Variants in MPPED1 observed in about 807,000 individuals in gnomAD.
The protein encoded by MPPED1 is metallophosphoesterase domain-containing protein 1.
A neutral mutation model predicts 36.2 loss-of-function variants in MPPED1; 16 were observed. The observed-to-expected ratio is 0.44, with a 90% CI of 0.30 to 0.67. The LOEUF (loss-of-function observed/expected upper bound fraction) is 0.67, where lower values mean the gene tolerates loss of function less well. Among genes scored for constraint, MPPED1 ranks in the 30% least tolerant of loss-of-function variants. The pLI, the probability that MPPED1 is intolerant of heterozygous loss-of-function variation, is 0.10. For synonymous variants in MPPED1, 199 were observed against 191.3 expected (o/e 1.04, Z -0.33); for missense variants, 307 against 453.4 (o/e 0.68, Z 2.93).
chr22:43,489,984 A>T (rs2146903222), intron 4 of MPPED1, among the ~76,000 whole-genome samples: 1 of 152,314 alleles, frequency 6.6e-6, no homozygotes, highest in South Asian at 2.1e-4. Flanking sequence ...GACACAGAGG[A>T]GAGCAAGAGG....
chr22:43,451,852 C>T (rs1431053937), intron 3 of MPPED1, among the ~76,000 whole-genome samples: 1 of 152,134 alleles, frequency 6.6e-6, no homozygotes, highest in Non-Finnish European at 1.5e-5. Flanking sequence ...CTGTCCGAGG[C>T]TTCGGGGCAG....
At chr22:43,432,421 AGAGAGAAAGGGAG>A (rs1401936777) in intron 2 of MPPED1, among the ~76,000 whole-genome samples, 12 of 127,864 alleles carry the variant, frequency 9.4e-5, no homozygotes, top group East Asian at 2.4e-4. Flanking sequence ...TAAAGGGAGG[AGAGAGAAAGGGAG>A]GAGAGAAAGG....
intron 3 of MPPED1, among the ~76,000 whole-genome samples, chr22:43,473,565 C>G (rs372145094): frequency 6.6e-5 from 10 of 152,282 alleles, no homozygotes; most frequent in Admixed American, 6.5e-5. Flanking sequence ...AGTGCACTTT[C>G]AACATTTCAT....
intron 4 of MPPED1, among the ~76,000 whole-genome samples, chr22:43,482,356 G>A (rs1013310434): frequency 3.9e-5 from 6 of 152,174 alleles, no homozygotes; most frequent in South Asian, 4.1e-4. Flanking sequence ...GTTGCTGGGC[G>A]TCTGCGCTCG....
chr22:43,421,597 C>T (rs962387025), intron 1 of MPPED1, among the ~76,000 whole-genome samples: 4 of 152,232 alleles, frequency 2.6e-5, no homozygotes, highest in African/African-American at 9.6e-5. Context: ...GGGGCAGTGA[C>T]TCTTCGGTCT....
chr22:43,421,420 A>G (rs968054314), intron 1 of MPPED1, among the ~76,000 whole-genome samples: 1 of 152,210 alleles, frequency 6.6e-6, no homozygotes, highest in Admixed American at 6.5e-5. Flanking sequence ...TTCCCGGCTG[A>G]GTCCCTTTGG....
At chr22:43,431,380 C>T (rs1208609920) in intron 2 of MPPED1, among the ~76,000 whole-genome samples, 1 of 152,090 alleles carries the variant, frequency 6.6e-6, no homozygotes, top group African/African-American at 2.4e-5. Context: ...CTCTTTCCTT[C>T]ACTTGCAAAC....
chr22:43,475,270 G>A (rs373431534), intron 4 of MPPED1, among the ~76,000 whole-genome samples: 53 of 152,170 alleles, frequency 3.5e-4, no homozygotes, highest in African/African-American at 1.3e-3. Flanking sequence ...CAGTGGGTGA[G>A]GACCTTGCCA....
At chr22:43,430,526 C>T (rs1929638343) in intron 2 of MPPED1, among the ~76,000 whole-genome samples, 1 of 152,178 alleles carries the variant, frequency 6.6e-6, no homozygotes, top group Non-Finnish European at 1.5e-5. Flanking sequence ...GTGTTCTCTC[C>T]TCTGTGCTGT....
intron 4 of MPPED1, among the ~76,000 whole-genome samples, chr22:43,478,460 T>A (rs1931645113): frequency 6.6e-6 from 1 of 151,982 alleles, no homozygotes; most frequent in Non-Finnish European, 1.5e-5. Flanking sequence ...AATTCCATCA[T>A]CAATAAGAGC....
intron 3 of MPPED1, among the ~76,000 whole-genome samples, chr22:43,473,942 C>T (rs572899700): frequency 1.8e-4 from 28 of 152,346 alleles, no homozygotes; most frequent in Non-Finnish European, 3.7e-4. Flanking sequence ...CACAGCAAAG[C>T]TGGAATGACA....
chr22:43,472,728 G>A (rs987323189), intron 3 of MPPED1, among the ~76,000 whole-genome samples: 1 of 152,166 alleles, frequency 6.6e-6, no homozygotes, highest in Admixed American at 6.5e-5. Context: ...CTTTCTTACC[G>A]CCCTGGCCCA....
At chr22:43,497,108 A>T (rs968710536) in intron 4 of MPPED1, among the ~76,000 whole-genome samples, 2 of 105,384 alleles carry the variant, frequency 1.9e-5, no homozygotes, top group Admixed American at 8.6e-5. Context: ...GATGGTGGTG[A>T]TGGAGGTGGT....
intron 3 of MPPED1, among the ~76,000 whole-genome samples, chr22:43,449,614 T>G (rs1433400749): frequency 6.6e-6 from 1 of 152,060 alleles, no homozygotes; most frequent in Non-Finnish European, 1.5e-5. Context: ...CCTGGAACTC[T>G]TCCACCTGCC....
At chr22:43,501,720 A>C (rs115394150) in intron 5 of MPPED1, among the ~76,000 whole-genome samples, 3,296 of 152,188 alleles carry the variant, frequency 0.022, 138 homozygotes, top group African/African-American at 0.076. Flanking sequence ...GTCCAAGGTC[A>C]CACAGCCAGT....
chr22:43,425,282 T>A, intron 2 of MPPED1, 73 bp downstream of exon 2: 2 of 1,467,142 alleles, frequency 1.4e-6, no homozygotes, highest in Non-Finnish European at 9.1e-7. Flanking sequence ...CTCGGGTGCC[T>A]CCTGGTTCTG....
intron 2 of MPPED1, among the ~76,000 whole-genome samples, chr22:43,431,203 A>G (rs1289064546): frequency 2.0e-5 from 3 of 151,054 alleles, no homozygotes; most frequent in South Asian, 4.2e-4. Flanking sequence ...CACCACACCA[A>G]GCTAATTTTT....
intron 1 of MPPED1, among the ~76,000 whole-genome samples, chr22:43,415,548 G>T (rs915189695): frequency 6.6e-6 from 1 of 152,162 alleles, no homozygotes; most frequent in Admixed American, 6.5e-5. Context: ...AAATCAAATT[G>T]TGATTTGAGG....
At chr22:43,451,330 A>T (rs1930561262) in intron 3 of MPPED1, among the ~76,000 whole-genome samples, 1 of 152,186 alleles carries the variant, frequency 6.6e-6, no homozygotes, top group Non-Finnish European at 1.5e-5. Flanking sequence ...TACTACTATT[A>T]ATATCATCCA....
Sources: gnomAD v4.1 joint callset for allele counts (sites outside exome capture counted in the v4.1 genomes callset) on GRCh38, gnomAD v4.1.1 for gene constraint, MANE v1.5 for transcripts, NCBI Gene and HGNC (gene_info 2026-07-23, HGNC 2026-07-21) for gene names.